Variants in SNPH observed in about 807,000 individuals in gnomAD.
The protein encoded by SNPH is syntaphilin.
A neutral mutation model predicts 36.8 loss-of-function variants in SNPH; 10 were observed. That is an observed-to-expected ratio of 0.27 (90% CI 0.17 to 0.46). SNPH has a LOEUF of 0.46. Ranked by LOEUF, SNPH falls within the 20% of genes least tolerant of loss-of-function variation. The pLI, the probability that SNPH is intolerant of heterozygous loss-of-function variation, is 1.00. For missense variants in SNPH, 622 were observed against 744.0 expected (o/e 0.84, Z 1.91); for synonymous variants, 281 against 312.2 (o/e 0.90, Z 1.05).
rs2088428085 is a variant in SNPH at position 1,296,103 on chromosome 20, C to T, written c.-137C>T. 4.5e-6 allele frequency: 3 copies of T among 673,548 alleles called. No homozygotes were observed. Among genetic ancestry groups the T allele is most frequent in the Non-Finnish European group, 7.1e-6 (3 of 421,230 alleles). 41.7% of individuals were successfully genotyped at this position (673,548 alleles called of 1,614,324 possible). A position where few individuals can be genotyped will look rare whatever the true frequency, so the allele number is the denominator to read the frequency against. On this transcript the variant is annotated 5_prime_UTR_variant, in exon 4 of 7. Coordinates refer to ENST00000381867, the MANE Select transcript of SNPH (RefSeq NM_001318234.2). The stretch of plus-strand genomic sequence containing the variant: ...CAGGGTTGGACTGATTACTTTTAGC[C>T]ACTCCTGACAGTTGTGGTTTTAAGT...
rs965050285 is a variant in SNPH, at chr20:1,306,768, T to C, written c.*714T>C. 5.2e-5 allele frequency: 8 copies of C among 152,688 alleles called. No homozygotes were observed. The highest frequency in any genetic ancestry group is 1.7e-4 in the African/African-American group (7 of 41,468). The allele number at this position is 152,688 out of a possible 1,614,324, so 9.5% of individuals were successfully genotyped here. Reference sequence around the variant, plus strand: ...AGGCTTTCCCGTCATCCCTTTCCTCTTGGCACTTCTGGGTGTGTCAGTCAT... The same window carrying C: ...AGGCTTTCCCGTCATCCCTTTCCTCCTGGCACTTCTGGGTGTGTCAGTCAT... On this transcript the variant is annotated 3_prime_UTR_variant, in exon 7 of 7. Coordinates refer to ENST00000381867, the MANE Select transcript of SNPH (RefSeq NM_001318234.2).
At position 1,305,757 on chromosome 20, in the gene SNPH, G is replaced by T; in HGVS notation, c.1320G>T (p.Gln440His). 6.2e-7 allele frequency: 1 copy of T among 1,611,214 alleles called. No individual in the cohort carries two copies. Among genetic ancestry groups the T allele is most frequent in the Non-Finnish European group, 8.5e-7 (1 of 1,179,182 alleles). Residue 440 changes from glutamine (Q) to histidine (H), a missense_variant, in exon 7 of 7, where the codon CAG (glutamine) becomes CAT (histidine). Gln to His is a conservative substitution (Grantham distance 24). Transcript: ENST00000381867. Reference sequence around the variant, plus strand: ...CTGGTGCCAACCCCAACCCTGGCCAGTCGGTGAGCGTGGTGTGCCCCATGG... The same window carrying T: ...CTGGTGCCAACCCCAACCCTGGCCATTCGGTGAGCGTGGTGTGCCCCATGG... ...QRPGANPNPG[Q>H]SVSVVCPMEE...
chr20:1,298,327 G>T (rs773869589), intron 5 of SNPH, among the ~76,000 whole-genome samples: 8 of 152,196 alleles, frequency 5.3e-5, no homozygotes, highest in Non-Finnish European at 7.3e-5. Flanking sequence ...TGCCCAGCCT[G>T]TGGCTCCCAT....
rs1467497361 is a variant in SNPH at position 1,276,365 on chromosome 20, C to T, written c.-493+9605C>T. On this transcript the variant is annotated intron_variant, in intron 2 of 6. Transcript: ENST00000381867. This position sits in a 1 kb window ranked among gnomAD's most constrained non-coding sequence, Gnocchi z 4.6. Reference sequence around the variant, plus strand: ...GCCCAGGATCCAAGCCTAGGCAGCACTGGCCCCCTTGCCCTGCTCTCTGAG... The same window carrying T: ...GCCCAGGATCCAAGCCTAGGCAGCATTGGCCCCCTTGCCCTGCTCTCTGAG... Among the ~76,000 whole-genome samples, 4 of 152,208 alleles carry T rather than the reference C, an allele frequency of 2.6e-5. No homozygotes were observed. Among genetic ancestry groups the T allele is most frequent in the Non-Finnish European group, 5.9e-5 (4 of 68,038 alleles).
chr20:1,289,798 CA>C (rs66463520), intron 2 of SNPH, among the ~76,000 whole-genome samples: 123,181 of 151,952 alleles, frequency 0.81, 50,503 homozygotes, highest in African/African-American at 0.87. Flanking sequence ...CACTGCACTC[CA>C]AGCCTAGGTG....
At position 1,308,177 on chromosome 20, in the gene SNPH, A is replaced by AGTC. The variant is rs953369444; in HGVS notation, c.*2124_*2126dup. ...GTGGATGTGACAGGGCTGGGGCCAC[A>AGTC]GTCTACTCTGTCTCTGCTGCTAGAG... is the stretch of plus-strand genomic sequence containing the variant. On this transcript the variant is annotated 3_prime_UTR_variant, in exon 7 of 7. Coordinates refer to ENST00000381867, the MANE Select transcript of SNPH (RefSeq NM_001318234.2). The AGTC allele has an allele frequency of 7.2e-5, 11 of 152,908 alleles. No individual in the cohort carries two copies. Among genetic ancestry groups the AGTC allele is most frequent in the African/African-American group, 2.7e-4 (11 of 41,446 alleles). The allele number at this position is 152,908 out of a possible 1,614,324, so 9.5% of individuals were successfully genotyped here.
Position 1,294,077 on chromosome 20 carries a change from A to C in SNPH, c.-492-874A>C, listed in dbSNP as rs928379320. ...CTCAGCCTCCTTTTTGCATCCTCCC[A>C]AAAGCCAGAAGGGCAGGGATGATGG... On this transcript the variant is annotated intron_variant, in intron 2 of 6. Coordinates refer to ENST00000381867, the MANE Select transcript of SNPH (RefSeq NM_001318234.2). The surrounding 1 kb of genome is among the most constrained non-coding windows in gnomAD (Gnocchi z 4.4). Among the ~76,000 whole-genome samples, 1 of 152,172 alleles carries C rather than the reference A, an allele frequency of 6.6e-6. No homozygotes were observed. Among genetic ancestry groups the C allele is most frequent in the African/African-American group, 2.4e-5 (1 of 41,440 alleles).
In SNPH at chr20:1,307,995, C is replaced by G. The variant is rs1397869841; in HGVS notation, c.*1941C>G. The G allele has an allele frequency of 6.5e-6, 1 of 152,724 alleles. No individual in the cohort carries two copies. Among genetic ancestry groups the G allele is most frequent in the Non-Finnish European group, 1.5e-5 (1 of 68,084 alleles). The allele number at this position is 152,724 out of a possible 1,614,324, so 9.5% of individuals were successfully genotyped here. On this transcript the variant is annotated 3_prime_UTR_variant, in exon 7 of 7. Coordinates refer to ENST00000381867, the MANE Select transcript of SNPH (RefSeq NM_001318234.2). ...CACGGAGCTGCGTAGTCTCCTCAGA[C>G]ATAGTCAAAGCTTTGCCGAGAAAAG...
In SNPH at chr20:1,307,507, GA is replaced by G. The variant is rs1421318672; in HGVS notation, c.*1454del. Reference sequence around the variant, plus strand: ...ATCTGGTTGTCCCACCCACTCTTCAGAGGCTAGGCCCCACCTCTGGGGGTTG... The same window carrying G: ...ATCTGGTTGTCCCACCCACTCTTCAGGGCTAGGCCCCACCTCTGGGGGTTG... On this transcript the variant is annotated 3_prime_UTR_variant, in exon 7 of 7. Coordinates refer to ENST00000381867, the MANE Select transcript of SNPH (RefSeq NM_001318234.2). 1 of 152,356 alleles carries G rather than the reference GA, an allele frequency of 6.6e-6. No individual in the cohort carries two copies. The highest frequency in any genetic ancestry group is 1.5e-5 in the Non-Finnish European group (1 of 68,082). 9.4% of individuals were successfully genotyped at this position (152,356 alleles called of 1,614,324 possible). A position where few individuals can be genotyped will look rare whatever the true frequency, so the allele number is the denominator to read the frequency against.
At position 1,305,510 on chromosome 20, in the gene SNPH, T is replaced by C; in HGVS notation, c.1073T>C (p.Ile358Thr). 6.2e-7 allele frequency: 1 copy of C among 1,613,232 alleles called. No individual in the cohort carries two copies. Among genetic ancestry groups the C allele is most frequent in the South Asian group, 1.1e-5 (1 of 91,080 alleles). Reference sequence around the variant, plus strand: ...GCCAGCTGCATGCAGGAGCGTGCCATCCAGACAGACTTCGTGCAGTACCAG... The same window carrying C: ...GCCAGCTGCATGCAGGAGCGTGCCACCCAGACAGACTTCGTGCAGTACCAG... ...VQASCMQERAIQTDFVQYQPD... is the reference protein window; with the variant it reads ...VQASCMQERATQTDFVQYQPD... Residue 358 changes from isoleucine to threonine, a missense_variant, in exon 7 of 7, where the codon ATC becomes ACC. Coordinates refer to ENST00000381867, the MANE Select transcript of SNPH (RefSeq NM_001318234.2).
At chr20:1,297,050 G>A in intron 4 of SNPH, 95 bp from the exon 5 acceptor site, 2 of 1,484,512 alleles carry the variant, frequency 1.3e-6, no homozygotes, top group Non-Finnish European at 9.0e-7. Flanking sequence ...CCAAAGCGGG[G>A]GCACTTTGGG....
In SNPH at chr20:1,306,141, CTTAT is replaced by C; in HGVS notation, c.*95_*98del. ...CCCTCCCTTCTCCCATGGGCATCAT[CTTAT>C]TTATTTAGTTTTGGGTGTGGAACTG... On this transcript the variant is annotated 3_prime_UTR_variant, in exon 7 of 7. Coordinates refer to ENST00000381867, the MANE Select transcript of SNPH (RefSeq NM_001318234.2). 9.0e-7 allele frequency: 1 copy of C among 1,108,350 alleles called. No homozygotes were observed. The highest frequency in any genetic ancestry group is 3.0e-4 in the Middle Eastern group (1 of 3,284). The allele number at this position is 1,108,350 out of a possible 1,614,324, so 68.7% of individuals were successfully genotyped here. A position where few individuals can be genotyped will look rare whatever the true frequency, so the allele number is the denominator to read the frequency against.
chr20:1,291,242 G>A (rs1010870), intron 2 of SNPH, among the ~76,000 whole-genome samples: 27,097 of 152,226 alleles, frequency 0.18, 3,076 homozygotes, highest in East Asian at 0.52. Flanking sequence ...CTGCCTTGCC[G>A]CTGTGTTGGG....
chr20:1,299,697 C>T (rs992800085), intron 5 of SNPH, among the ~76,000 whole-genome samples: 24 of 152,348 alleles, frequency 1.6e-4, no homozygotes, highest in African/African-American at 4.3e-4. Context: ...CAGGTGTTCA[C>T]GTGTGTGCTC....
At chr20:1,277,997 T>C (rs2088167141) in intron 2 of SNPH, among the ~76,000 whole-genome samples, 2 of 150,892 alleles carry the variant, frequency 1.3e-5, no homozygotes, top group African/African-American at 4.9e-5. Context: ...CGTGTCTGTG[T>C]GTCTGTGTGT....
intron 2 of SNPH, among the ~76,000 whole-genome samples, chr20:1,288,062 G>A (rs1265217637): frequency 1.3e-5 from 2 of 152,210 alleles, no homozygotes; most frequent in Non-Finnish European, 2.9e-5. Flanking sequence ...CTACCCAGAC[G>A]GGAGGCCTGC....
Position 1,305,200 on chromosome 20 carries a change from C to T in SNPH, c.763C>T (p.Arg255Cys), listed in dbSNP as rs2088553406. ...AGGSPARSLT[R>C]SSTYTKLSDP... ...TGGGTCCCCTGCCCGCTCCCTCACC[C>T]GCAGCTCCACCTACACCAAGCTGAG... Residue 255 changes from arginine (R) to cysteine (C), a missense_variant, in exon 7 of 7, where the codon CGC becomes TGC. By Grantham distance (180) the Arg-to-Cys change is radical. Around this residue, in one of 3 missense-constraint regions of SNPH, gnomAD observed 379 missense variants for 427.9 expected, o/e 0.89. Coordinates refer to ENST00000381867, the MANE Select transcript of SNPH (RefSeq NM_001318234.2). 3.7e-6 allele frequency: 6 copies of T among 1,611,822 alleles called. No homozygotes were observed. Among genetic ancestry groups the T allele is most frequent in the South Asian group, 1.1e-5 (1 of 91,020 alleles).
At chr20:1,279,615 C>CTTTT (rs1259483361) in intron 2 of SNPH, among the ~76,000 whole-genome samples, 129 of 111,634 alleles carry the variant, frequency 1.2e-3, no homozygotes, top group African/African-American at 3.8e-3. Flanking sequence ...GAGACTCCGG[C>CTTTT]TTCTTTTTTT....
chr20:1,305,981 C>A lies in SNPH; in HGVS notation c.1544C>A (p.Ser515Tyr). ...GGCTGCTGCACTGTGGCCTTGCACT[C>A]CATCCGCAGGATCAGCTGCCGCTCG... ...LRGCCTVALH[S>Y]IRRISCRSLS... The change falls in exon 7 of 7, where the codon TCC becomes TAC. Residue 515 changes from serine to tyrosine, a missense_variant. Around this residue, in one of 3 missense-constraint regions of SNPH, gnomAD observed 379 missense variants for 427.9 expected, o/e 0.89. Transcript: ENST00000381867. 6.5e-7 allele frequency: 1 copy of A among 1,547,196 alleles called. No homozygotes were observed. The highest frequency in any genetic ancestry group is 8.7e-7 in the Non-Finnish European group (1 of 1,146,236).
Sources: allele counts gnomAD v4.1 joint callset (sites outside exome capture counted in the v4.1 genomes callset), GRCh38; gene constraint gnomAD v4.1.1; regional missense constraint gnomAD v4.1.1; non-coding constraint Gnocchi (gnomAD v3.1); transcripts MANE v1.5; gene names NCBI Gene and HGNC (gene_info 2026-07-23, HGNC 2026-07-21).